The following C1GALT1 variants were observed in gnomAD, a reference collection of about 807,000 sequenced individuals.
C1GALT1 encodes core 1 synthase, glycoprotein-N-acetylgalactosamine 3-beta-galactosyltransferase 1.
A neutral mutation model predicts 31.0 loss-of-function variants in C1GALT1; 11 were observed. That is an observed-to-expected ratio of 0.36 (90% CI 0.22 to 0.59). C1GALT1 has a LOEUF of 0.59. Among genes scored for constraint, C1GALT1 ranks in the 20% least tolerant of loss-of-function variants. C1GALT1 has a pLI of 0.79. For missense variants in C1GALT1, 424 were observed against 425.2 expected, an observed-to-expected ratio of 1.00 and a Z score of 0.03; for synonymous variants, 175 against 143.6, an observed-to-expected ratio of 1.22 and a Z score of -1.56.
chr7:7,219,775 A>G (rs78748933), intron 1 of C1GALT1, among the ~76,000 whole-genome samples: 6,598 of 152,144 alleles, frequency 0.043, 287 homozygotes, highest in African/African-American at 0.12. Context: ...TTTTTTTAGT[A>G]TCACTTTTTT....
chr7:7,222,730 A>G (rs999530210), intron 1 of C1GALT1, among the ~76,000 whole-genome samples: 1 of 152,236 alleles, frequency 6.6e-6, no homozygotes, highest in Non-Finnish European at 1.5e-5. Flanking sequence ...TAATGGCGTT[A>G]TAGTTTTTAA....
chr7:7,223,772 T>C (rs1170765997), intron 1 of C1GALT1, among the ~76,000 whole-genome samples: 2 of 152,166 alleles, frequency 1.3e-5, no homozygotes, highest in African/African-American at 4.8e-5. Flanking sequence ...TTTTCTCCTT[T>C]ATTATACTGG....
In C1GALT1 at chr7:7,246,360, G is replaced by A. The variant is rs1222335067; in HGVS notation, c.*2633G>A. 1.3e-5 allele frequency: 2 copies of A among 151,780 alleles called. No homozygotes were observed. The highest frequency in any genetic ancestry group is 4.8e-5 in the African/African-American group (2 of 41,420). 9.4% of individuals were successfully genotyped at this position (151,780 alleles called of 1,614,324 possible). On this transcript the variant is annotated 3_prime_UTR_variant, in exon 4 of 4. Transcript: ENST00000436587. ...GCATTATTTCCATTTTTATGTATATGATATATGACGTCTGATGCATTGGCC... is the reference window on the plus strand; with the variant it reads ...GCATTATTTCCATTTTTATGTATATAATATATGACGTCTGATGCATTGGCC...
At chr7:7,203,026 T>C (rs761242991) in intron 1 of C1GALT1, among the ~76,000 whole-genome samples, 2 of 151,956 alleles carry the variant, frequency 1.3e-5, no homozygotes, top group Non-Finnish European at 2.9e-5. Context: ...TGCGTAAAAA[T>C]GTAACTCATT....
Position 7,246,413 on chromosome 7 carries a change from T to C in C1GALT1, c.*2686T>C, listed in dbSNP as rs1783846834. ...TAATAGTCAAATTAACCCAGCCAAA[T>C]TGTCACAGTGATTCTTAAACTGTGG... On this transcript the variant is annotated 3_prime_UTR_variant, in exon 4 of 4. Coordinates refer to ENST00000436587, the MANE Select transcript of C1GALT1 (RefSeq NM_020156.5). 1 of 152,206 alleles carries C rather than the reference T, an allele frequency of 6.6e-6. No homozygotes were observed. The highest frequency in any genetic ancestry group is 2.4e-5 in the African/African-American group (1 of 41,456). The allele number at this position is 152,206 out of a possible 1,614,324, so 9.4% of individuals were successfully genotyped here.
In C1GALT1 at chr7:7,182,638, C is replaced by G. The variant is rs947180367; in HGVS notation, c.-200C>G. On this transcript the variant is annotated 5_prime_UTR_variant, in exon 1 of 4. Transcript: ENST00000436587. ...CGAGCGGGCGGGAGCGCGCGCTGGG[C>G]CCGCCTTGGCCGCCGCCGCTGTGCT... 2 of 239,144 alleles carry G rather than the reference C, an allele frequency of 8.4e-6. No individual in the cohort carries two copies. Among genetic ancestry groups the G allele is most frequent in the African/African-American group, 2.3e-5 (1 of 43,008 alleles). 14.8% of individuals were successfully genotyped at this position (239,144 alleles called of 1,614,324 possible).
intron 1 of C1GALT1, chr7:7,183,496 A>G (rs1329417197): frequency 2.7e-6 from 2 of 747,424 alleles, no homozygotes; most frequent in Non-Finnish European, 3.3e-6. Context: ...GAAGAAAGGC[A>G]TTAAATTTTT....
At chr7:7,197,953 TCTAAATACACAATCATGTCATTTG>T (rs1781370793) in intron 1 of C1GALT1, among the ~76,000 whole-genome samples, 1 of 152,214 alleles carries the variant, frequency 6.6e-6, no homozygotes, top group South Asian at 2.1e-4. Context: ...GATGGGGTTT[TCTAAATACACAATCATGTCATTTG>T]CAAACAGGGA....
At chr7:7,231,881 A>G (rs1293364865) in intron 1 of C1GALT1, among the ~76,000 whole-genome samples, 1 of 152,116 alleles carries the variant, frequency 6.6e-6, no homozygotes, top group Non-Finnish European at 1.5e-5. Flanking sequence ...AGGGCGGATC[A>G]TCCAGTCAGT....
rs749259580 is a variant in C1GALT1, at chr7:7,238,104, A to C, written c.221-151A>C. On this transcript the variant is annotated intron_variant, in intron 2 of 3. Coordinates refer to ENST00000436587, the MANE Select transcript of C1GALT1 (RefSeq NM_020156.5). The surrounding 1 kb of genome is among the most constrained non-coding windows in gnomAD (Gnocchi z 5.2). ...CCAATAAATCAGAGTGTCAGTTCACATTAGGATGAGTTTGCTTTCCTTTGG... is the reference window on the plus strand; with the variant it reads ...CCAATAAATCAGAGTGTCAGTTCACCTTAGGATGAGTTTGCTTTCCTTTGG... 14 of 685,738 alleles carry C rather than the reference A, an allele frequency of 2.0e-5. No homozygotes were observed. The highest frequency in any genetic ancestry group is 2.6e-5 in the Non-Finnish European group (11 of 420,938). The allele number at this position is 685,738 out of a possible 1,614,324, so 42.5% of individuals were successfully genotyped here.
chr7:7,218,642 T>C (rs538535259), intron 1 of C1GALT1, among the ~76,000 whole-genome samples: 17 of 152,288 alleles, frequency 1.1e-4, no homozygotes, highest in African/African-American at 2.4e-4. Flanking sequence ...AGGTAAGATA[T>C]TCTGTTTTGC....
At chr7:7,214,589 C>A (rs1782145332) in intron 1 of C1GALT1, among the ~76,000 whole-genome samples, 1 of 152,186 alleles carries the variant, frequency 6.6e-6, no homozygotes, top group Non-Finnish European at 1.5e-5. Flanking sequence ...CGAAAGTAAC[C>A]TCACAGGTGA....
chr7:7,190,832 CA>C (rs757222400), intron 1 of C1GALT1, among the ~76,000 whole-genome samples: 3 of 152,166 alleles, frequency 2.0e-5, no homozygotes, highest in Admixed American at 6.5e-5. Flanking sequence ...TTTATTGGTC[CA>C]AAGTTTTAGA....
intron 1 of C1GALT1, among the ~76,000 whole-genome samples, chr7:7,214,993 C>T (rs1782168930): frequency 6.6e-6 from 1 of 152,162 alleles, no homozygotes; most frequent in Admixed American, 6.5e-5. Flanking sequence ...TCAGCTGGTA[C>T]CATCCAGGTT....
chr7:7,238,892 C>G lies in C1GALT1; in HGVS notation c.858C>G (p.Tyr286Ter). Residue 286 changes from tyrosine (Y) to a stop codon, truncating the protein, a stop_gained, in exon 3 of 4, where the codon TAC (tyrosine) becomes TAG (stop). Coordinates refer to ENST00000436587, the MANE Select transcript of C1GALT1 (RefSeq NM_020156.5). LOFTEE classifies it high-confidence loss of function. The surrounding 1 kb of genome is among the most constrained non-coding windows in gnomAD (Gnocchi z 5.2). ...GTTATCTACCTAGAACGTTTTGGTACTGGAATTACAACTATTATCCTCCTG... is the reference window on the plus strand; with the variant it reads ...GTTATCTACCTAGAACGTTTTGGTAGTGGAATTACAACTATTATCCTCCTG... The part of the protein sequence containing the change: ...IKGYLPRTFW[Y>*]WNYNYYPPVE... The G allele has an allele frequency of 6.2e-7, 1 of 1,613,010 alleles. No individual in the cohort carries two copies. The highest frequency in any genetic ancestry group is 1.3e-5 in the African/African-American group (1 of 74,982).
At chr7:7,193,329 G>A (rs1781152316) in intron 1 of C1GALT1, among the ~76,000 whole-genome samples, 1 of 152,062 alleles carries the variant, frequency 6.6e-6, no homozygotes, top group Non-Finnish European at 1.5e-5. Context: ...GTTCATTTTT[G>A]TGTAAGGTGA....
At chr7:7,192,717 A>T (rs1179051331) in intron 1 of C1GALT1, among the ~76,000 whole-genome samples, 1 of 152,094 alleles carries the variant, frequency 6.6e-6, no homozygotes, top group Non-Finnish European at 1.5e-5. Context: ...TTGGTTCCTT[A>T]AGGAATCTCC....
At chr7:7,224,083 C>G (rs575943748) in intron 1 of C1GALT1, among the ~76,000 whole-genome samples, 6 of 152,126 alleles carry the variant, frequency 3.9e-5, no homozygotes, top group African/African-American at 1.4e-4. Context: ...TTGAACCATC[C>G]TTACATACTC....
intron 1 of C1GALT1, among the ~76,000 whole-genome samples, chr7:7,231,838 A>G (rs1374616476): frequency 6.6e-6 from 1 of 151,784 alleles, no homozygotes; most frequent in Non-Finnish European, 1.5e-5. Flanking sequence ...ATGATTTTAT[A>G]TTTCTCCAGG....
Sources: gnomAD v4.1 joint callset for allele counts (sites outside exome capture counted in the v4.1 genomes callset) on GRCh38, gnomAD v4.1.1 for gene constraint, Gnocchi (gnomAD v3.1) non-coding constraint, MANE v1.5 for transcripts, NCBI Gene and HGNC (gene_info 2026-07-23, HGNC 2026-07-21) for gene names.